Variants in PPP2CA observed in about 807,000 individuals in gnomAD.
PPP2CA encodes serine/threonine-protein phosphatase 2A catalytic subunit alpha isoform.
In PPP2CA, 5 loss-of-function variants were observed where a neutral mutation model predicts 38.8. The ratio of observed to expected loss-of-function variants is 0.13; its 90% CI spans 0.07 to 0.27. The LOEUF is 0.27. Ranked by LOEUF, PPP2CA falls within the 10% of genes least tolerant of loss-of-function variation. The probability of loss-of-function intolerance (pLI) is 1.00; values close to 1 mark genes in which losing one functional copy is unlikely to be tolerated. For synonymous variants in PPP2CA, 152 were observed against 134.0 expected, an observed-to-expected ratio of 1.13 and a Z score of -0.93; for missense variants, 88 against 389.7, an observed-to-expected ratio of 0.23 and a Z score of 6.52.
At chr5:134,222,364 A>G (rs1379226584) in intron 1 of PPP2CA, among the ~76,000 whole-genome samples, 1 of 152,210 alleles carries the variant, frequency 6.6e-6, no homozygotes, top group African/African-American at 2.4e-5. Context: ...CAATTCATAT[A>G]AGAATGTCAT....
intron 1 of PPP2CA, among the ~76,000 whole-genome samples, chr5:134,210,529 A>T (rs1320764593): frequency 6.6e-6 from 1 of 152,208 alleles, no homozygotes; most frequent in Non-Finnish European, 1.5e-5. Flanking sequence ...TGGGAAAAAA[A>T]TTAAGATAAA....
intron 4 of PPP2CA, 24 bp downstream of exon 4, chr5:134,200,961 A>G (rs1761956969): frequency 3.2e-6 from 5 of 1,553,722 alleles, no homozygotes; most frequent in South Asian, 1.1e-5. Context: ...TTTCTGAAAG[A>G]ATTTTATCAA....
At position 134,195,836 on chromosome 5, in the gene PPP2CA, T is replaced by C. The variant is rs1007362422; in HGVS notation, c.*1936A>G. 7 of 152,184 alleles carry C rather than the reference T, an allele frequency of 4.6e-5. No individual in the cohort carries two copies. The highest frequency in any genetic ancestry group is 1.7e-4 in the African/African-American group (7 of 41,442). The allele number at this position is 152,184 out of a possible 1,614,324, so 9.4% of individuals were successfully genotyped here. A position where few individuals can be genotyped will look rare whatever the true frequency, so the allele number is the denominator to read the frequency against. ...AAGCTATTCTTATCACAAGTCCCAT[T>C]CTGCTAACCACAAAATTTAGAGAAT... On this transcript the variant is annotated 3_prime_UTR_variant, in exon 7 of 7. Coordinates refer to ENST00000481195, the MANE Select transcript of PPP2CA (RefSeq NM_002715.4).
chr5:134,206,200 T>C, intron 1 of PPP2CA, 69 bp from the exon 2 acceptor site: 1 of 1,360,214 alleles, frequency 7.4e-7, no homozygotes, highest in Admixed American at 1.8e-5. Flanking sequence ...ATTTGTTTAC[T>C]TACACTTAAT....
rs995609099 is a variant in PPP2CA, at chr5:134,226,014, G to A, written c.-153C>T. 2.7e-5 allele frequency: 16 copies of A among 595,684 alleles called. No individual in the cohort carries two copies. The highest frequency in any genetic ancestry group is 1.5e-4 in the South Asian group (7 of 46,954). 36.9% of individuals were successfully genotyped at this position (595,684 alleles called of 1,614,324 possible). A position where few individuals can be genotyped will look rare whatever the true frequency, so the allele number is the denominator to read the frequency against. On this transcript the variant is annotated 5_prime_UTR_variant, in exon 1 of 7. Transcript: ENST00000481195. ...CCCGCTGGCTCTCACCGCAGTACTCGGCCGTCGGCCGCTGCGCCTCCTCCT... is the reference window on the plus strand; with the variant it reads ...CCCGCTGGCTCTCACCGCAGTACTCAGCCGTCGGCCGCTGCGCCTCCTCCT...
chr5:134,198,623 T>C (rs1354380325), intron 6 of PPP2CA, among the ~76,000 whole-genome samples: 3 of 152,128 alleles, frequency 2.0e-5, no homozygotes, highest in Non-Finnish European at 4.4e-5. Flanking sequence ...TGGAACGCAG[T>C]GGCGCGATCT....
chr5:134,222,696 T>C (rs1029909188), intron 1 of PPP2CA, among the ~76,000 whole-genome samples: 4 of 152,218 alleles, frequency 2.6e-5, no homozygotes, highest in African/African-American at 9.6e-5. Context: ...ATTTACTCCT[T>C]TCAATCTGTA....
In PPP2CA at chr5:134,225,275, G is replaced by A. The variant is rs573046637; in HGVS notation, c.102+485C>T. On this transcript the variant is annotated intron_variant, in intron 1 of 6. Transcript: ENST00000481195. The stretch of plus-strand genomic sequence containing the variant: ...CCACCAAGGGGTACTAAAGCTGTGT[G>A]ACCTTTAGGTATGTTCTGGGATACG... Among the ~76,000 whole-genome samples the A allele has an allele frequency of 7.9e-5, 12 of 152,316 alleles. No homozygotes were observed. In the South Asian group the frequency reaches 2.5e-3, roughly 32 times the overall value.
In PPP2CA at chr5:134,197,590, G is replaced by A; in HGVS notation, c.*182C>T. ...ATGCAATGAACTGGTTCATTCTAAA[G>A]TGGTCACGGCTGTTGATGACAAGAG... On this transcript the variant is annotated 3_prime_UTR_variant, in exon 7 of 7. Coordinates refer to ENST00000481195, the MANE Select transcript of PPP2CA (RefSeq NM_002715.4). The A allele has an allele frequency of 1.7e-6, 1 of 580,944 alleles. No individual in the cohort carries two copies. The highest frequency in any genetic ancestry group is 3.1e-6 in the Non-Finnish European group (1 of 323,944). The allele number at this position is 580,944 out of a possible 1,614,324, so 36.0% of individuals were successfully genotyped here. A position where few individuals can be genotyped will look rare whatever the true frequency, so the allele number is the denominator to read the frequency against.
chr5:134,204,433 C>T (rs969083782), intron 2 of PPP2CA, among the ~76,000 whole-genome samples: 2 of 152,154 alleles, frequency 1.3e-5, no homozygotes, highest in African/African-American at 4.8e-5. Context: ...TTGGAACTTG[C>T]TTTTTTCGGT....
rs909167205 is a variant in PPP2CA at position 134,204,555 on chromosome 5, G to A, written c.312+1367C>T. ...GGCTCACTGTAGCCTTGACCTCCCA[G>A]GTTCAAGTGATCCTCCCACCTCAGC... On this transcript the variant is annotated intron_variant, in intron 2 of 6. Coordinates refer to ENST00000481195, the MANE Select transcript of PPP2CA (RefSeq NM_002715.4). 2.6e-5 allele frequency among the ~76,000 whole-genome samples: 4 copies of A among 152,266 alleles called. No individual in the cohort carries two copies. In the South Asian group the frequency reaches 6.2e-4, roughly 24 times the overall value.
intron 3 of PPP2CA, 59 bp downstream of exon 3, chr5:134,201,789 G>T: frequency 1.3e-6 from 2 of 1,547,264 alleles, no homozygotes; most frequent in South Asian, 2.4e-5. Context: ...ATAAGCACCT[G>T]AACACTAAAG....
At chr5:134,214,882 T>C (rs1762283793) in intron 1 of PPP2CA, among the ~76,000 whole-genome samples, 1 of 151,960 alleles carries the variant, frequency 6.6e-6, no homozygotes, top group South Asian at 2.1e-4. Flanking sequence ...TTTCTAAGAG[T>C]TTTTCATTTT....
Position 134,219,913 on chromosome 5 carries a change from A to C in PPP2CA, c.102+5847T>G, listed in dbSNP as rs867466440. Among the ~76,000 whole-genome samples, 36 of 150,606 alleles carry C rather than the reference A, an allele frequency of 2.4e-4. No homozygotes were observed. In the Middle Eastern group the frequency reaches 0.014, roughly 57 times the overall value. ...GTAATCCCAGCTACTCAGGAGGCTG[A>C]GGCAGGAGAAACACTTGAACGTGGG... is the stretch of plus-strand genomic sequence containing the variant. On this transcript the variant is annotated intron_variant, in intron 1 of 6. Coordinates refer to ENST00000481195, the MANE Select transcript of PPP2CA (RefSeq NM_002715.4).
At chr5:134,216,729 C>T (rs1239489174) in intron 1 of PPP2CA, among the ~76,000 whole-genome samples, 1 of 152,010 alleles carries the variant, frequency 6.6e-6, no homozygotes, top group Non-Finnish European at 1.5e-5. Context: ...GTCTCAAACT[C>T]CTAGTCTCGA....
intron 1 of PPP2CA, among the ~76,000 whole-genome samples, chr5:134,209,240 G>A (rs960454666): frequency 1.3e-5 from 2 of 151,060 alleles, no homozygotes; most frequent in Admixed American, 6.6e-5. Flanking sequence ...CGATAACAGT[G>A]GTATACAGTA....
At chr5:134,199,386 C>CA (rs1466897622) in intron 5 of PPP2CA, 182 bp from the exon 6 acceptor site, 4 of 381,506 alleles carry the variant, frequency 1.0e-5, no homozygotes, top group Non-Finnish European at 1.9e-5. Flanking sequence ...CTGTAAGGTA[C>CA]ACATGTATTT....
At chr5:134,220,010 C>CAAAAAAAAAAAAAA in intron 1 of PPP2CA, among the ~76,000 whole-genome samples, 1 of 103,536 alleles carries the variant, frequency 9.7e-6, no homozygotes, top group Non-Finnish European at 2.0e-5. Flanking sequence ...GGCTCCGTAT[C>CAAAAAAAAAAAAAA]AAAAAAAAAA....
At chr5:134,209,352 T>C (rs1397985702) in intron 1 of PPP2CA, among the ~76,000 whole-genome samples, 2 of 152,210 alleles carry the variant, frequency 1.3e-5, no homozygotes, top group African/African-American at 4.8e-5. Flanking sequence ...GAACCAGTTT[T>C]AAGCATGATT....
Sources: gnomAD v4.1 joint callset for allele counts (sites outside exome capture counted in the v4.1 genomes callset) on GRCh38, gnomAD v4.1.1 for gene constraint, MANE v1.5 for transcripts, NCBI Gene and HGNC (gene_info 2026-07-23, HGNC 2026-07-21) for gene names.